Variants in CNTN5 observed in about 807,000 individuals in gnomAD.
The protein encoded by CNTN5 is contactin-5.
In CNTN5, 77 loss-of-function variants were observed where a neutral mutation model predicts 129.1. The observed-to-expected ratio is 0.60, with a 90% confidence interval of 0.50 to 0.72. CNTN5 has a LOEUF of 0.72. Among genes scored for constraint, CNTN5 ranks in the 30% least tolerant of loss-of-function variants. The probability of loss-of-function intolerance (pLI) is 0.00; values close to 1 mark genes in which losing one functional copy is unlikely to be tolerated. For synonymous variants in CNTN5, 509 were observed against 465.6 expected, an observed-to-expected ratio of 1.09 and a Z score of -1.20; for missense variants, 1,478 against 1,328.8, an observed-to-expected ratio of 1.11 and a Z score of -1.75.
At chr11:99,318,956 G>T (rs1247323366) in intron 1 of CNTN5, among the ~76,000 whole-genome samples, 1 of 152,186 alleles carries the variant, frequency 6.6e-6, no homozygotes, top group Non-Finnish European at 1.5e-5. Context: ...ATACACATTA[G>T]ATCAACTAAG....
At chr11:99,262,167 T>C (rs1862662505) in intron 1 of CNTN5, among the ~76,000 whole-genome samples, 9 of 151,952 alleles carry the variant, frequency 5.9e-5, no homozygotes, top group Admixed American at 4.6e-4. Flanking sequence ...TACTGAGATA[T>C]GACTTTCACC....
intron 2 of CNTN5, among the ~76,000 whole-genome samples, chr11:99,410,111 C>CA (rs957084128): frequency 2.0e-4 from 30 of 151,682 alleles, no homozygotes; most frequent in African/African-American, 7.3e-4. Context: ...AGATGATTAT[C>CA]AAAAAAAGAA....
intron 6 of CNTN5, among the ~76,000 whole-genome samples, chr11:99,857,948 T>A (rs1948090395): frequency 6.6e-6 from 1 of 152,158 alleles, no homozygotes; most frequent in Non-Finnish European, 1.5e-5. Flanking sequence ...GTGTTAAGTT[T>A]TTTGAAAATG....
chr11:99,064,893 G>A (rs917481509), intron 1 of CNTN5, among the ~76,000 whole-genome samples: 1 of 151,678 alleles, frequency 6.6e-6, no homozygotes, highest in African/African-American at 2.4e-5. Flanking sequence ...TATTTCTAAA[G>A]TTTTATTCAA....
intron 1 of CNTN5, among the ~76,000 whole-genome samples, chr11:99,146,999 G>A (rs2135477779): frequency 6.6e-6 from 1 of 152,196 alleles, no homozygotes; most frequent in East Asian, 1.9e-4. Context: ...GGGATTAAAG[G>A]CATGAGTCGA....
At chr11:99,305,180 G>A (rs1349469391) in intron 1 of CNTN5, among the ~76,000 whole-genome samples, 1 of 152,112 alleles carries the variant, frequency 6.6e-6, no homozygotes, top group African/African-American at 2.4e-5. Context: ...ATAAAACACA[G>A]CAATTAGAAC....
At chr11:99,800,781 T>A (rs1401824886) in intron 3 of CNTN5, among the ~76,000 whole-genome samples, 1 of 152,194 alleles carries the variant, frequency 6.6e-6, no homozygotes, top group Non-Finnish European at 1.5e-5. Context: ...CCGATCTTCC[T>A]TAAGTCTTTT....
intron 1 of CNTN5, among the ~76,000 whole-genome samples, chr11:99,048,273 G>C (rs1864293952): frequency 2.0e-5 from 3 of 152,032 alleles, no homozygotes; most frequent in African/African-American, 7.2e-5. Context: ...CACTAAATAG[G>C]TTTAGGAACT....
chr11:100,234,820 A>G (rs983812287), intron 16 of CNTN5, among the ~76,000 whole-genome samples: 2 of 150,790 alleles, frequency 1.3e-5, no homozygotes, highest in Non-Finnish European at 3.0e-5. Flanking sequence ...AAAAAAAAGA[A>G]GAAGAAGGAC....
chr11:100,017,088 G>A (rs988111363), intron 9 of CNTN5, among the ~76,000 whole-genome samples: 7 of 151,940 alleles, frequency 4.6e-5, no homozygotes, highest in Non-Finnish European at 8.8e-5. Context: ...TCTTTGGGAG[G>A]TTGAATCAAT....
At chr11:99,698,067 T>TC (rs978382355) in intron 3 of CNTN5, among the ~76,000 whole-genome samples, 6 of 149,660 alleles carry the variant, frequency 4.0e-5, no homozygotes, top group African/African-American at 1.5e-4. Flanking sequence ...TTAGTGTTTT[T>TC]TTTTTTAACT....
At chr11:99,836,130 T>G (rs1947295241) in intron 4 of CNTN5, among the ~76,000 whole-genome samples, 1 of 151,824 alleles carries the variant, frequency 6.6e-6, no homozygotes, top group African/African-American at 2.4e-5. Flanking sequence ...CCTTGTTTTT[T>G]TTTTTTTTAA....
Position 99,086,408 on chromosome 11 carries a change from G to A in CNTN5, c.-210+65138G>A, listed in dbSNP as rs1240626797. Among the ~76,000 whole-genome samples, 16 of 152,274 alleles carry A rather than the reference G, an allele frequency of 1.1e-4. 1 individual carries two copies. The highest frequency in any genetic ancestry group is 1.9e-4 in the African/African-American group (8 of 41,560). On this transcript the variant is annotated intron_variant, in intron 1 of 24. Coordinates refer to ENST00000524871, the MANE Select transcript of CNTN5 (RefSeq NM_014361.4). Reference sequence around the variant, plus strand: ...CTGCAGGCTATACAGGAAGCATGGCGCCAGCATCCACCTCTGGTGAGGTCT... The same window carrying A: ...CTGCAGGCTATACAGGAAGCATGGCACCAGCATCCACCTCTGGTGAGGTCT...
At chr11:100,070,941 A>G (rs1438662977) in intron 11 of CNTN5, among the ~76,000 whole-genome samples, 2 of 152,006 alleles carry the variant, frequency 1.3e-5, no homozygotes, top group Non-Finnish European at 2.9e-5. Context: ...GATATCACCT[A>G]AAATTGCTCG....
intron 3 of CNTN5, among the ~76,000 whole-genome samples, chr11:99,801,491 G>A (rs575220487): frequency 1.3e-5 from 2 of 152,196 alleles, no homozygotes; most frequent in African/African-American, 4.8e-5. Flanking sequence ...AAGACTATTA[G>A]CAACATTTTC....
At chr11:99,788,936 G>T (rs183068475) in intron 3 of CNTN5, among the ~76,000 whole-genome samples, 1 of 151,608 alleles carries the variant, frequency 6.6e-6, no homozygotes, top group East Asian at 1.9e-4. Flanking sequence ...CTGAAAAAAC[G>T]TTTCCAATAA....
chr11:99,176,508 AG>A (rs1244355609), intron 1 of CNTN5, among the ~76,000 whole-genome samples: 2 of 152,162 alleles, frequency 1.3e-5, no homozygotes, highest in Non-Finnish European at 2.9e-5. Flanking sequence ...TTTTCCTTCC[AG>A]ATTTTTATCT....
intron 1 of CNTN5, among the ~76,000 whole-genome samples, chr11:99,259,196 T>C (rs1862517823): frequency 6.6e-6 from 1 of 151,934 alleles, no homozygotes; most frequent in African/African-American, 2.4e-5. Flanking sequence ...TGTATCCATT[T>C]ATTTTCTGAA....
intron 1 of CNTN5, among the ~76,000 whole-genome samples, chr11:99,175,380 G>T (rs1023704920): frequency 1.1e-4 from 16 of 152,154 alleles, no homozygotes; most frequent in Non-Finnish European, 1.5e-4. Context: ...ACAGAGAAAA[G>T]GTCAGATAAT....
Sources: allele counts gnomAD v4.1 joint callset (sites outside exome capture counted in the v4.1 genomes callset), GRCh38; gene constraint gnomAD v4.1.1; transcripts MANE v1.5; gene names NCBI Gene and HGNC (gene_info 2026-07-23, HGNC 2026-07-21).